The following TP63 variants were observed in gnomAD, a reference collection of about 807,000 sequenced individuals.
The protein encoded by TP63 is tumor protein p63.
TP63 carries 17 observed loss-of-function variants against 82.8 expected under a neutral mutation model. The ratio of observed to expected loss-of-function variants is 0.21; its 90% confidence interval spans 0.14 to 0.31. The LOEUF is 0.31. Among genes scored for constraint, TP63 ranks in the 10% least tolerant of loss-of-function variants. The pLI is 1.00. For synonymous variants in TP63, 330 were observed against 321.7 expected, an observed-to-expected ratio of 1.03 and a Z score of -0.28; for missense variants, 648 against 895.3, an observed-to-expected ratio of 0.72 and a Z score of 3.52.
intron 3 of TP63, among the ~76,000 whole-genome samples, chr3:189,792,352 G>T (rs1321909924): frequency 6.6e-6 from 1 of 152,056 alleles, no homozygotes; most frequent in Non-Finnish European, 1.5e-5. Flanking sequence ...CTCAGACTTG[G>T]AGATAGAGAG....
the TP63 span, among the ~76,000 whole-genome samples, chr3:189,615,410 C>T: frequency 1.3e-5 from 2 of 152,286 alleles, no homozygotes; most frequent in African/African-American, 2.4e-5. Context: ...TCACTGTCGC[C>T]TCTCCCTCTC....
At chr3:189,747,888 T>A (rs1001061312) in intron 3 of TP63, among the ~76,000 whole-genome samples, 1 of 151,420 alleles carries the variant, frequency 6.6e-6, no homozygotes, top group African/African-American at 2.4e-5. Flanking sequence ...ATGAAAAATA[T>A]ATCACCGACA....
intron 1 of TP63, among the ~76,000 whole-genome samples, chr3:189,631,883 A>G (rs1455536331): frequency 6.6e-6 from 1 of 152,160 alleles, no homozygotes; most frequent in Non-Finnish European, 1.5e-5. Context: ...TCACTCAATA[A>G]GAAATTTCAC....
rs546543062 is a variant in TP63, at chr3:189,748,574, T to C, written c.324+9800T>C. Among the ~76,000 whole-genome samples the C allele has an allele frequency of 3.0e-3, 428 of 140,674 alleles. 5 individuals are homozygous for C. The highest frequency in any genetic ancestry group is 0.011 in the African/African-American group (408 of 37,640). 92.3% of individuals were successfully genotyped at this position (140,674 alleles called of 152,430 possible). A position where few individuals can be genotyped will look rare whatever the true frequency, so the allele number is the denominator to read the frequency against. On this transcript the variant is annotated intron_variant, in intron 3 of 13. Coordinates refer to ENST00000264731, the MANE Select transcript of TP63 (RefSeq NM_003722.5). ...AAAAATGAAAGACATTCTATGCTCA[T>C]GGATTGGAAGAATGAAAATTGTTAA...
chr3:189,694,893 A>G (rs188128162), intron 1 of TP63, among the ~76,000 whole-genome samples: 12 of 124,480 alleles, frequency 9.6e-5, no homozygotes, highest in African/African-American at 2.2e-4. Flanking sequence ...GCAACCTCCA[A>G]CTCCTGGTTT....
chr3:189,864,838 C>G (rs1439240725), intron 5 of TP63, among the ~76,000 whole-genome samples: 6 of 151,878 alleles, frequency 4.0e-5, no homozygotes, highest in Non-Finnish European at 1.5e-5. Context: ...AACTCCATCT[C>G]TACTAAAAAT....
At chr3:189,822,259 T>A (rs930030206) in intron 4 of TP63, among the ~76,000 whole-genome samples, 2 of 152,224 alleles carry the variant, frequency 1.3e-5, no homozygotes, top group African/African-American at 4.8e-5. Flanking sequence ...ACCTTATTCA[T>A]AGATTTGTCC....
At chr3:189,647,780 C>T (rs1712546361) in intron 1 of TP63, among the ~76,000 whole-genome samples, 1 of 146,804 alleles carries the variant, frequency 6.8e-6, no homozygotes, top group South Asian at 2.2e-4. Context: ...TCCCATCCAT[C>T]GCTATAGATG....
chr3:189,787,264 G>A (rs6775277), intron 3 of TP63, among the ~76,000 whole-genome samples: 51,534 of 151,940 alleles, frequency 0.34, 9,120 homozygotes, highest in African/African-American at 0.4. Context: ...TAAAATCAGA[G>A]GAATATCCTC....
At chr3:189,646,703 A>G (rs929770522) in intron 1 of TP63, among the ~76,000 whole-genome samples, 3 of 147,136 alleles carry the variant, frequency 2.0e-5, no homozygotes, top group Non-Finnish European at 4.5e-5. Context: ...TCTGACCTAT[A>G]GAGATTTGTC....
chr3:189,856,362 A>T (rs1023979419), intron 4 of TP63, among the ~76,000 whole-genome samples: 2 of 151,904 alleles, frequency 1.3e-5, no homozygotes, highest in Admixed American at 1.3e-4. Flanking sequence ...ATTAAGAATT[A>T]GATATATCAA....
chr3:189,661,283 G>C (rs1382864076), intron 1 of TP63, among the ~76,000 whole-genome samples: 1 of 151,956 alleles, frequency 6.6e-6, no homozygotes, highest in Non-Finnish European at 1.5e-5. Flanking sequence ...TATCATGATG[G>C]GGTGTTGGAT....
intron 1 of TP63, among the ~76,000 whole-genome samples, chr3:189,691,184 C>G (rs112815979): frequency 5.6e-4 from 85 of 151,256 alleles, no homozygotes; most frequent in African/African-American, 2.0e-3. Context: ...ATTAAAAATA[C>G]AAAAATTAGC....
intron 1 of TP63, among the ~76,000 whole-genome samples, chr3:189,665,376 A>T (rs1190888768): frequency 1.3e-5 from 2 of 152,076 alleles, no homozygotes; most frequent in African/African-American, 4.8e-5. Flanking sequence ...ATTCAACCCT[A>T]CTTCAACATT....
At chr3:189,830,539 A>G (rs986786998) in intron 4 of TP63, among the ~76,000 whole-genome samples, 2 of 152,212 alleles carry the variant, frequency 1.3e-5, no homozygotes, top group African/African-American at 4.8e-5. Context: ...ACAAACCACA[A>G]TGATATGCTT....
At chr3:189,820,997 C>G (rs1465692433) in intron 4 of TP63, among the ~76,000 whole-genome samples, 1 of 152,132 alleles carries the variant, frequency 6.6e-6, no homozygotes, top group Non-Finnish European at 1.5e-5. Flanking sequence ...ATACCCACTA[C>G]TTTAGGTGGT....
At chr3:189,682,822 T>A (rs1314258922) in intron 1 of TP63, among the ~76,000 whole-genome samples, 1 of 151,970 alleles carries the variant, frequency 6.6e-6, no homozygotes, top group African/African-American at 2.4e-5. Flanking sequence ...ACCATAATTT[T>A]ACTTCCTAAA....
chr3:189,797,631 C>T lies in TP63; in HGVS notation c.325-10641C>T, dbSNP rs988152083. ...AATGGCGTGATTACTTTTAAATAGA[C>T]CGTGTGAGACTCTGTCACCAGACTG... On this transcript the variant is annotated intron_variant, in intron 3 of 13. Coordinates refer to ENST00000264731, the MANE Select transcript of TP63 (RefSeq NM_003722.5). Among the ~76,000 whole-genome samples the T allele has an allele frequency of 9.2e-5, 14 of 152,008 alleles. 1 individual carries two copies. Among genetic ancestry groups the T allele is most frequent in the Non-Finnish European group, 1.6e-4 (11 of 67,974 alleles).
intron 1 of TP63, among the ~76,000 whole-genome samples, chr3:189,640,136 G>A (rs993972994): frequency 6.6e-6 from 1 of 151,954 alleles, no homozygotes; most frequent in Non-Finnish European, 1.5e-5. Flanking sequence ...ATTCATTAAA[G>A]CTTTCAATGA....
Sources: allele counts gnomAD v4.1 joint callset (sites outside exome capture counted in the v4.1 genomes callset), GRCh38; gene constraint gnomAD v4.1.1; transcripts MANE v1.5; gene names NCBI Gene and HGNC (gene_info 2026-07-23, HGNC 2026-07-21).